MYH9: variants seen among roughly 807,000 people sequenced by gnomAD.
MYH9 encodes the protein myosin-9.
Under a neutral mutation model 241.9 loss-of-function variants are expected in MYH9, and 29 were observed. The observed-to-expected ratio is 0.12, with a 90% CI of 0.09 to 0.16. The LOEUF (loss-of-function observed/expected upper bound fraction) is 0.16. MYH9 is among the 10% of genes least tolerant of loss of function. The pLI, the probability that MYH9 is intolerant of heterozygous loss-of-function variation, is 1.00. For missense variants in MYH9, 1,803 were observed against 2,595.5 expected (o/e 0.69, Z 6.63); for synonymous variants, 1,047 against 1,062.6 (o/e 0.99, Z 0.29).
Position 36,309,262 on chromosome 22 carries a change from G to A in MYH9, c.1843+20C>T, listed in dbSNP as rs771247422. ...AGCCGCAGCCAAGAGGAGGCAGGGG[G>A]CGAAGGGCAAAGGGCGTACCATCCT... is the stretch of plus-strand genomic sequence containing the variant. On this transcript the variant is annotated intron_variant, in intron 15 of 40. Coordinates refer to ENST00000216181, the MANE Select transcript of MYH9 (RefSeq NM_002473.6). The A allele has an allele frequency of 1.1e-5, 17 of 1,602,440 alleles. No individual in the cohort carries two copies. Among genetic ancestry groups the A allele is most frequent in the Non-Finnish European group, 1.5e-5 (17 of 1,169,540 alleles).
rs201951100 is a variant in MYH9, at chr22:36,296,956, C to A, written c.3159G>T (p.Leu1053=). The A allele has an allele frequency of 3.7e-6, 6 of 1,614,196 alleles. No individual in the cohort carries two copies. The Admixed American group carries it at 6.7e-5, about 18-fold the overall frequency. The change falls in exon 25 of 41, where the codon CTG becomes CTT. Residue 1053 remains leucine (L), a synonymous_variant. Coordinates refer to ENST00000216181, the MANE Select transcript of MYH9 (RefSeq NM_002473.6). The stretch of plus-strand genomic sequence containing the variant: ...CGCTGAGGTCTGTGGAGTCTCCCTC[C>A]AGCTTCCGGCGGGTCTTCTCCAGCT... ...RQELEKTRRK[L]EGDSTDLSDQ... is the part of the protein sequence containing the mutation.
In MYH9 at chr22:36,301,595, AC is replaced by A; in HGVS notation, c.2569del (p.Val857SerfsTer50). ...MMAKEEELVK[V>X]REKQLAAENR... The stretch of plus-strand genomic sequence containing the variant: ...CTCCGCAGCCAGCTGCTTCTCTCTG[AC>A]CTTCACCAGCTCCTCCTCCTTGGCC... On this transcript the variant is annotated frameshift_variant, in exon 21 of 41. Transcript: ENST00000216181. LOFTEE classifies it high-confidence loss of function. The A allele has an allele frequency of 6.2e-7, 1 of 1,613,782 alleles. No individual in the cohort carries two copies. The highest frequency in any genetic ancestry group is 8.5e-7 in the Non-Finnish European group (1 of 1,179,958).
At chr22:36,383,705 C>T (rs181754625) in intron 1 of MYH9, among the ~76,000 whole-genome samples, 3 of 151,188 alleles carry the variant, frequency 2.0e-5, no homozygotes, top group East Asian at 1.9e-4. Flanking sequence ...CGCCTGTAAT[C>T]CTAACACTTT....
At chr22:36,379,828 G>T (rs945342254) in intron 1 of MYH9, among the ~76,000 whole-genome samples, 1 of 152,206 alleles carries the variant, frequency 6.6e-6, no homozygotes, top group Non-Finnish European at 1.5e-5. Flanking sequence ...AGCGCTTGGC[G>T]GGCTAGCTAA....
At chr22:36,340,932 G>T (rs956154493) in intron 3 of MYH9, among the ~76,000 whole-genome samples, 1 of 152,108 alleles carries the variant, frequency 6.6e-6, no homozygotes, top group African/African-American at 2.4e-5. Flanking sequence ...GAGTGACAGG[G>T]GGGCAGAAGC....
intron 1 of MYH9, among the ~76,000 whole-genome samples, chr22:36,368,777 C>T (rs2018048080): frequency 6.6e-6 from 1 of 152,090 alleles, no homozygotes; most frequent in Non-Finnish European, 1.5e-5. Context: ...CAACCACAAC[C>T]AATTCGGAAT....
chr22:36,307,354 A>C (rs914012130), intron 15 of MYH9, among the ~76,000 whole-genome samples: 2 of 152,224 alleles, frequency 1.3e-5, no homozygotes, highest in African/African-American at 4.8e-5. Flanking sequence ...GCATCCTCCA[A>C]GGTAAAAAAC....
Position 36,306,405 on chromosome 22 carries a change from C to A in MYH9, c.2037+9G>T. ...GCCCTGCCCGGGCCACCCCACCAGGCAGCCGCACCTTCTTCTCGTGGTTGG... is the reference window on the plus strand; with the variant it reads ...GCCCTGCCCGGGCCACCCCACCAGGAAGCCGCACCTTCTTCTCGTGGTTGG... On this transcript the variant is annotated intron_variant, in intron 16 of 40. Transcript: ENST00000216181. This position sits in a 1 kb window ranked among gnomAD's most constrained non-coding sequence, Gnocchi z 4.1. 1 of 1,614,064 alleles carries A rather than the reference C, an allele frequency of 6.2e-7. No individual in the cohort carries two copies. The highest frequency in any genetic ancestry group is 2.2e-5 in the East Asian group (1 of 44,886).
chr22:36,321,649 T>C, intron 7 of MYH9, 109 bp downstream of exon 7: 1 of 1,019,664 alleles, frequency 9.8e-7, no homozygotes, highest in Non-Finnish European at 1.6e-6. Flanking sequence ...GGTGTCAGGA[T>C]GGGCCCATAA....
At chr22:36,294,069 C>T (rs1054539586) in intron 28 of MYH9, 23 bp downstream of exon 28, 4 of 1,605,696 alleles carry the variant, frequency 2.5e-6, no homozygotes, top group Non-Finnish European at 3.4e-6. Context: ...CTGCCCGCGC[C>T]AGGGTCCTGG....
rs1349640219 is a variant in MYH9, at chr22:36,301,575, C to A, written c.2590G>T (p.Ala864Ser). Residue 864 changes from alanine (A) to serine (S), a missense_variant, in exon 21 of 41, where the codon GCG becomes TCG. Ala to Ser is a moderately conservative substitution (Grantham distance 99). Coordinates refer to ENST00000216181, the MANE Select transcript of MYH9 (RefSeq NM_002473.6). ...TCCATCTCCGTGAGCCTGTTCTCCG[C>A]AGCCAGCTGCTTCTCTCTGACCTTC... is the stretch of plus-strand genomic sequence containing the variant. ...LVKVREKQLA[A>S]ENRLTEMETL... The A allele has an allele frequency of 6.2e-7, 1 of 1,613,894 alleles. No individual in the cohort carries two copies. The highest frequency in any genetic ancestry group is 8.5e-7 in the Non-Finnish European group (1 of 1,180,048).
At chr22:36,283,467 G>C (rs1411953237) in intron 40 of MYH9, among the ~76,000 whole-genome samples, 1 of 150,826 alleles carries the variant, frequency 6.6e-6, no homozygotes, top group Non-Finnish European at 1.5e-5. Context: ...AACCCGGGAG[G>C]CAGAGGTTGC....
At chr22:36,353,201 A>G (rs1480526841) in intron 1 of MYH9, among the ~76,000 whole-genome samples, 1 of 152,120 alleles carries the variant, frequency 6.6e-6, no homozygotes, top group Non-Finnish European at 1.5e-5. Flanking sequence ...CACCTTATCT[A>G]TAATCCATAT....
At chr22:36,319,754 C>A in intron 9 of MYH9, 119 bp from the exon 10 acceptor site, 2 of 1,001,192 alleles carry the variant, frequency 2.0e-6, no homozygotes, top group East Asian at 2.6e-5. Flanking sequence ...CACCCCCCAA[C>A]TCCCTGGGGC....
Position 36,293,557 on chromosome 22 carries a change from A to G in MYH9, c.3943-76T>C. ...ACCCAGGAACCCCACACCCTTGAGG[A>G]GAGGGAGGAGCTGGTCCTGCTGATT... On this transcript the variant is annotated intron_variant, in intron 29 of 40. Transcript: ENST00000216181. This position sits in a 1 kb window ranked among gnomAD's most constrained non-coding sequence, Gnocchi z 5.1. 6.3e-7 allele frequency: 1 copy of G among 1,583,178 alleles called. No homozygotes were observed. The highest frequency in any genetic ancestry group is 8.6e-7 in the Non-Finnish European group (1 of 1,161,212).
intron 14 of MYH9, among the ~76,000 whole-genome samples, chr22:36,311,374 C>A (rs575854578): frequency 3.3e-5 from 5 of 152,260 alleles, no homozygotes; most frequent in South Asian, 2.1e-4. Context: ...CACCTCCCCC[C>A]CCGAAACTAG....
In MYH9 at chr22:36,301,570, C is replaced by T; in HGVS notation, c.2595G>A (p.Glu865=). 4.3e-6 allele frequency: 7 copies of T among 1,613,968 alleles called. No individual in the cohort carries two copies. Among genetic ancestry groups the T allele is most frequent in the Non-Finnish European group, 5.9e-6 (7 of 1,180,044 alleles). Residue 865 remains glutamate (E), a synonymous_variant, in exon 21 of 41, where the codon GAG becomes GAA. Transcript: ENST00000216181. Reference sequence around the variant, plus strand: ...GCGTCTCCATCTCCGTGAGCCTGTTCTCCGCAGCCAGCTGCTTCTCTCTGA... The same window carrying T: ...GCGTCTCCATCTCCGTGAGCCTGTTTTCCGCAGCCAGCTGCTTCTCTCTGA... ...VKVREKQLAA[E]NRLTEMETLQ... is the part of the protein sequence containing the mutation.
Position 36,300,901 on chromosome 22 carries a change from G to A in MYH9, c.2788C>T (p.Arg930Cys). Residue 930 changes from arginine to cysteine, a missense_variant, in exon 22 of 41, where the codon CGC becomes TGC. By Grantham distance (180) the Arg-to-Cys change is radical. This residue lies in a region of MYH9 where 290 missense variants were observed against 360.5 expected (regional missense o/e 0.80). Coordinates refer to ENST00000216181, the MANE Select transcript of MYH9 (RefSeq NM_002473.6). The surrounding 1 kb of genome is among the most constrained non-coding windows in gnomAD (Gnocchi z 5.0). ...TTCTCCGCCTGCAGGTGCTGGCAGC[G>A]CTCCTCCTCCTCCTCCACCCTGGCC... ...LEARVEEEEE[R>C]CQHLQAEKKK... 2.5e-6 allele frequency: 4 copies of A among 1,606,384 alleles called. No homozygotes were observed. Among genetic ancestry groups the A allele is most frequent in the East Asian group, 2.2e-5 (1 of 44,876 alleles).
intron 19 of MYH9, among the ~76,000 whole-genome samples, chr22:36,303,693 G>A (rs1569535299): frequency 6.7e-6 from 1 of 150,366 alleles, no homozygotes; most frequent in African/African-American, 2.5e-5. Context: ...GCTGAGGCAG[G>A]AGAATCACTT....
Sources: gnomAD v4.1 joint callset for allele counts (sites outside exome capture counted in the v4.1 genomes callset) on GRCh38, gnomAD v4.1.1 for gene constraint, gnomAD v4.1.1 regional missense constraint, Gnocchi (gnomAD v3.1) non-coding constraint, MANE v1.5 for transcripts, NCBI Gene and HGNC (gene_info 2026-07-23, HGNC 2026-07-21) for gene names.